Variants in CLUAP1 observed in about 807,000 individuals in gnomAD.
The protein encoded by CLUAP1 is clusterin-associated protein 1.
Under a neutral mutation model 55.0 loss-of-function variants are expected in CLUAP1, and 50 were observed. That is an observed-to-expected ratio of 0.91 (90% CI 0.72 to 1.15). CLUAP1 has a LOEUF of 1.15. Among genes scored for constraint, CLUAP1 ranks in the 50% most tolerant of loss-of-function variants. The probability of loss-of-function intolerance (pLI) is 0.00; values close to 1 mark genes in which losing one functional copy is unlikely to be tolerated. For synonymous variants in CLUAP1, 195 were observed against 175.4 expected, an observed-to-expected ratio of 1.11 and a Z score of -0.88; for missense variants, 530 against 507.6, an observed-to-expected ratio of 1.04 and a Z score of -0.42.
intron 3 of CLUAP1, among the ~76,000 whole-genome samples, chr16:3,507,733 T>G (rs1216684027): frequency 6.7e-6 from 1 of 149,640 alleles, no homozygotes; most frequent in East Asian, 2.0e-4. Context: ...TAAAAATATA[T>G]ATTTTTCCTT....
chr16:3,514,844 A>G (rs773906735), intron 5 of CLUAP1, among the ~76,000 whole-genome samples: 8 of 152,240 alleles, frequency 5.3e-5, no homozygotes, highest in Non-Finnish European at 8.8e-5. Flanking sequence ...AACATTGTCT[A>G]TAGTAAACCT....
chr16:3,505,313 G>A (rs1225337444), intron 2 of CLUAP1, among the ~76,000 whole-genome samples: 8 of 152,076 alleles, frequency 5.3e-5, no homozygotes, highest in Non-Finnish European at 8.8e-5. Context: ...GGTGGATCAC[G>A]AGGTCAGGAG....
At chr16:3,529,804 AT>A (rs1368016190) in intron 9 of CLUAP1, among the ~76,000 whole-genome samples, 586 of 26,872 alleles carry the variant, frequency 0.022, 20 homozygotes, top group Non-Finnish European at 0.027. Flanking sequence ...TTATATTATT[AT>A]ATATATATTA....
At chr16:3,501,885 C>T (rs1023034290) in intron 1 of CLUAP1, among the ~76,000 whole-genome samples, 2 of 152,064 alleles carry the variant, frequency 1.3e-5, no homozygotes, top group Non-Finnish European at 2.9e-5. Context: ...TGCCAGGGCC[C>T]GCTCTGTGTT....
intron 9 of CLUAP1, among the ~76,000 whole-genome samples, chr16:3,530,203 C>T (rs1187629648): frequency 6.6e-6 from 1 of 151,776 alleles, no homozygotes; most frequent in Non-Finnish European, 1.5e-5. Context: ...CTAAACACCT[C>T]CCAGTATGCC....
At chr16:3,498,989 C>T (rs1187787436), upstream of CLUAP1, among the ~76,000 whole-genome samples, 8 of 152,154 alleles carry the variant, frequency 5.3e-5, no homozygotes, top group Non-Finnish European at 1.2e-4. Context: ...ATATAAAGAA[C>T]ACTTACAATT....
chr16:3,530,928 C>G (rs116538347), intron 10 of CLUAP1, among the ~76,000 whole-genome samples: 1 of 152,198 alleles, frequency 6.6e-6, no homozygotes, highest in Admixed American at 6.5e-5. Flanking sequence ...CTCACAGCCA[C>G]AAGAACACAT....
chr16:3,521,812 T>G (rs1324641953), intron 7 of CLUAP1, among the ~76,000 whole-genome samples: 5 of 150,962 alleles, frequency 3.3e-5, no homozygotes, highest in Non-Finnish European at 5.9e-5. Flanking sequence ...CCCAGCACTT[T>G]GAGAGGCCAA....
chr16:3,530,535 C>A (rs760328968), intron 9 of CLUAP1, 33 bp from the exon 10 acceptor site: 2 of 1,527,942 alleles, frequency 1.3e-6, no homozygotes, highest in South Asian at 1.1e-5. Flanking sequence ...CATGAAGCCA[C>A]TCCTTTGTTT....
chr16:3,508,340 G>A lies in CLUAP1; in HGVS notation c.271G>A (p.Gly91Arg). ...CACTAAGAAGCTTTATCAAGCAGAT[G>A]GGTATGCGGTAAAAGAGCTGCTGAA... Reference protein sequence around the residue: ...LNTKKLYQADGYAVKELLKIT... With the variant: ...LNTKKLYQADRYAVKELLKIT... The change falls in exon 4 of 12, where the codon GGG becomes AGG. Residue 91 changes from glycine to arginine, a missense_variant. Physicochemically the swap from Gly to Arg is moderately radical, Grantham distance 125. Coordinates refer to ENST00000576634, the MANE Select transcript of CLUAP1 (RefSeq NM_015041.3). 1 of 1,608,742 alleles carries A rather than the reference G, an allele frequency of 6.2e-7. No homozygotes were observed. Among genetic ancestry groups the A allele is most frequent in the Non-Finnish European group, 8.5e-7 (1 of 1,178,572 alleles).
At chr16:3,496,868 C>CT, upstream of CLUAP1, 2 of 264,778 alleles carry the variant, frequency 7.6e-6, no homozygotes, top group Non-Finnish European at 1.5e-5. Flanking sequence ...TTCTTTTTTT[C>CT]TTTTCTTTTT....
intron 8 of CLUAP1, among the ~76,000 whole-genome samples, chr16:3,524,800 G>A (rs1227152212): frequency 6.6e-6 from 1 of 152,118 alleles, no homozygotes; most frequent in African/African-American, 2.4e-5. Context: ...TAGGAAAAGA[G>A]TGTTTTAGAC....
At chr16:3,514,938 T>G (rs1446737876) in intron 5 of CLUAP1, among the ~76,000 whole-genome samples, 1 of 152,216 alleles carries the variant, frequency 6.6e-6, no homozygotes, top group Admixed American at 6.5e-5. Context: ...CTTGATAGGT[T>G]AATGGTTCAT....
At chr16:3,530,535 C>T (rs760328968) in intron 9 of CLUAP1, 33 bp from the exon 10 acceptor site, 1 of 1,527,822 alleles carries the variant, frequency 6.5e-7, no homozygotes, top group African/African-American at 1.4e-5. Context: ...CATGAAGCCA[C>T]TCCTTTGTTT....
upstream of CLUAP1, among the ~76,000 whole-genome samples, chr16:3,499,566 A>G (rs1033877399): frequency 6.6e-6 from 1 of 152,230 alleles, no homozygotes; most frequent in Non-Finnish European, 1.5e-5. Flanking sequence ...CATATTAGCC[A>G]TCCATATATC....
intron 7 of CLUAP1, 137 bp downstream of exon 7, chr16:3,520,173 G>A (rs1190525582): frequency 8.3e-6 from 7 of 840,512 alleles, no homozygotes; most frequent in Non-Finnish European, 1.3e-5. Context: ...AGGAGTTTGA[G>A]ACCAGCCTGG....
At chr16:3,515,964 T>G (rs1015270337) in intron 6 of CLUAP1, among the ~76,000 whole-genome samples, 2 of 152,216 alleles carry the variant, frequency 1.3e-5, no homozygotes, top group Non-Finnish European at 2.9e-5. Context: ...AGTAGAAGGA[T>G]CACTATTGTT....
At position 3,501,101 on chromosome 16, in the gene CLUAP1, C is replaced by G; in HGVS notation, c.22+12C>G. 2 of 1,589,314 alleles carry G rather than the reference C, an allele frequency of 1.3e-6. 1 individual carries two copies. Among genetic ancestry groups the G allele is most frequent in the Middle Eastern group, 3.7e-4 (2 of 5,470 alleles). On this transcript the variant is annotated intron_variant, in intron 1 of 11. Coordinates refer to ENST00000576634, the MANE Select transcript of CLUAP1 (RefSeq NM_015041.3). ...CCGCGACCTCCGCAGTAAGGCAGCC[C>G]CGCGCCCCTGTGACCTGCGGGTCTT...
Position 3,536,291 on chromosome 16 carries a change from T to G in CLUAP1, c.*20T>G. ...TTCTGACCCTTTTGCCAAGGGACCC[T>G]GGCAGATTAAAACCCTCAGACTTGT... On this transcript the variant is annotated 3_prime_UTR_variant, in exon 12 of 12. Transcript: ENST00000576634. 6.2e-7 allele frequency: 1 copy of G among 1,612,038 alleles called. No individual in the cohort carries two copies. Among genetic ancestry groups the G allele is most frequent in the South Asian group, 1.1e-5 (1 of 90,930 alleles).
Sources: gnomAD v4.1 joint callset for allele counts (sites outside exome capture counted in the v4.1 genomes callset) on GRCh38, gnomAD v4.1.1 for gene constraint, MANE v1.5 for transcripts, NCBI Gene and HGNC (gene_info 2026-07-23, HGNC 2026-07-21) for gene names.